The following SYT1 variants were observed in gnomAD, a reference collection of about 807,000 sequenced individuals.
SYT1 encodes synaptotagmin 1.
SYT1 carries 8 observed loss-of-function variants against 44.8 expected under a neutral mutation model. That is an observed-to-expected ratio of 0.18 (90% CI 0.10 to 0.32). The LOEUF is 0.32. Among genes scored for constraint, SYT1 ranks in the 10% least tolerant of loss-of-function variants. The pLI is 1.00. For synonymous variants in SYT1, 154 were observed against 188.8 expected (o/e 0.82, Z 1.51); for missense variants, 286 against 509.3 (o/e 0.56, Z 4.22).
intron 9 of SYT1, among the ~76,000 whole-genome samples, chr12:79,398,301 G>C (rs1884946851): frequency 1.3e-5 from 2 of 152,172 alleles, no homozygotes; most frequent in African/African-American, 4.8e-5. Context: ...GTTCATAGCA[G>C]TAGTTATCTC....
In SYT1 at chr12:78,994,886, G is replaced by A. The variant is rs557054476; in HGVS notation, c.-84+16955G>A. ...CCATCAATATACCCAATGCTGCAGA[G>A]TTTCTGTTTTTTGTTTTTTTTCAGA... On this transcript the variant is annotated intron_variant, in intron 2 of 10. Transcript: ENST00000261205. Among the ~76,000 whole-genome samples, 3 of 152,184 alleles carry A rather than the reference G, an allele frequency of 2.0e-5. No homozygotes were observed. In the East Asian group the frequency reaches 5.8e-4, roughly 29 times the overall value.
At position 78,991,535 on chromosome 12, in the gene SYT1, T is replaced by G. The variant is rs182752944; in HGVS notation, c.-84+13604T>G. Among the ~76,000 whole-genome samples, 4 of 152,222 alleles carry G rather than the reference T, an allele frequency of 2.6e-5. No individual in the cohort carries two copies. The East Asian group carries it at 5.8e-4, about 22-fold the overall frequency. On this transcript the variant is annotated intron_variant, in intron 2 of 10. Coordinates refer to ENST00000261205, the MANE Select transcript of SYT1 (RefSeq NM_005639.3). Reference sequence around the variant, plus strand: ...GGATTTTATACATAAAAGTAAACATTGATTTGTAATTAAGAGAAGAGAAGA... The same window carrying G: ...GGATTTTATACATAAAAGTAAACATGGATTTGTAATTAAGAGAAGAGAAGA...
intron 4 of SYT1, among the ~76,000 whole-genome samples, chr12:79,252,864 G>A (rs1268675396): frequency 2.6e-5 from 4 of 152,188 alleles, no homozygotes; most frequent in African/African-American, 9.7e-5. Context: ...GGAGAAGGAA[G>A]TTCCAGAGCT....
At chr12:79,275,451 T>G (rs1170453577) in intron 4 of SYT1, among the ~76,000 whole-genome samples, 1 of 152,064 alleles carries the variant, frequency 6.6e-6, no homozygotes, top group African/African-American at 2.4e-5. Flanking sequence ...GGTTCAGGCT[T>G]GCAAGAGGGG....
Position 78,910,650 on chromosome 12 carries a change from G to T in SYT1, c.-217+45541G>T, listed in dbSNP as rs1229360070. Among the ~76,000 whole-genome samples, 4 of 151,978 alleles carry T rather than the reference G, an allele frequency of 2.6e-5. No individual in the cohort carries two copies. The East Asian group carries it at 7.7e-4, about 29-fold the overall frequency. On this transcript the variant is annotated intron_variant, in intron 1 of 10. Transcript: ENST00000261205. ...AGCCCTTGCCTTCATGAAAATTGCA[G>T]TCTAGACAAATAGAGTAATTAGATA...
chr12:79,181,240 A>G (rs6539280), intron 3 of SYT1, among the ~76,000 whole-genome samples: 109,972 of 151,980 alleles, frequency 0.72, 40,530 homozygotes, highest in African/African-American at 0.83. Context: ...TGAGATTTGG[A>G]TGAGGACACA....
intron 4 of SYT1, among the ~76,000 whole-genome samples, chr12:79,284,893 C>T (rs1879233716): frequency 6.6e-6 from 1 of 151,876 alleles, no homozygotes; most frequent in South Asian, 2.1e-4. Flanking sequence ...TGCTATGTTC[C>T]AGATGCATTA....
intron 8 of SYT1, among the ~76,000 whole-genome samples, chr12:79,308,438 G>A (rs1041269030): frequency 1.2e-4 from 18 of 150,018 alleles, no homozygotes; most frequent in South Asian, 2.1e-4. Flanking sequence ...GCCAGGAGGC[G>A]GAGCTTGCAT....
At chr12:79,134,099 GTTTT>G (rs943360670) in intron 3 of SYT1, among the ~76,000 whole-genome samples, 9 of 152,206 alleles carry the variant, frequency 5.9e-5, no homozygotes, top group Admixed American at 5.2e-4. Flanking sequence ...CTCATACACT[GTTTT>G]TCTTGTTACT....
At position 79,084,338 on chromosome 12, in the gene SYT1, T is replaced by A. The variant is rs368364624; in HGVS notation, c.-18+36976T>A. Among the ~76,000 whole-genome samples the A allele has an allele frequency of 3.3e-5, 5 of 152,292 alleles. No homozygotes were observed. In the East Asian group the frequency reaches 7.7e-4, roughly 24 times the overall value. On this transcript the variant is annotated intron_variant, in intron 3 of 10. Coordinates refer to ENST00000261205, the MANE Select transcript of SYT1 (RefSeq NM_005639.3). The stretch of plus-strand genomic sequence containing the variant: ...AAACATAATTAGCATAAAGATATTA[T>A]GAGGGTAAATGGTACTTTAATAGTG...
chr12:79,007,996 A>G (rs1871199272), intron 2 of SYT1, among the ~76,000 whole-genome samples: 3 of 152,098 alleles, frequency 2.0e-5, no homozygotes, highest in South Asian at 4.1e-4. Context: ...ACTGCCCTCA[A>G]GGAACTTATA....
chr12:78,949,624 G>C (rs1878857235), intron 1 of SYT1, among the ~76,000 whole-genome samples: 1 of 151,944 alleles, frequency 6.6e-6, no homozygotes, highest in African/African-American at 2.4e-5. Context: ...TATCCAAGAT[G>C]GGTTATTGCA....
chr12:79,131,386 GTT>G (rs1199010610), intron 3 of SYT1, among the ~76,000 whole-genome samples: 2 of 151,814 alleles, frequency 1.3e-5, no homozygotes, highest in Non-Finnish European at 2.9e-5. Context: ...TTCAACAAGG[GTT>G]TTTTTGTTTG....
chr12:79,335,005 A>C (rs979304539), intron 8 of SYT1, among the ~76,000 whole-genome samples: 1 of 152,064 alleles, frequency 6.6e-6, no homozygotes, highest in African/African-American at 2.4e-5. Flanking sequence ...CCCACAATTC[A>C]TTCCCCCACT....
chr12:79,308,205 T>C (rs1207429271), intron 8 of SYT1, among the ~76,000 whole-genome samples: 1 of 152,098 alleles, frequency 6.6e-6, no homozygotes, highest in Non-Finnish European at 1.5e-5. Context: ...CACATCAGAG[T>C]GCACAGTGCC....
At chr12:78,934,621 G>A (rs11610603) in intron 1 of SYT1, among the ~76,000 whole-genome samples, 13,841 of 152,050 alleles carry the variant, frequency 0.091, 724 homozygotes, top group East Asian at 0.18. Flanking sequence ...CACCTGTCAC[G>A]CAGTCAAAAA....
chr12:79,065,450 G>T (rs1405940891), intron 3 of SYT1, among the ~76,000 whole-genome samples: 2 of 152,064 alleles, frequency 1.3e-5, no homozygotes, highest in Non-Finnish European at 2.9e-5. Flanking sequence ...GCATATCAGA[G>T]GATGCTTTCT....
intron 9 of SYT1, among the ~76,000 whole-genome samples, chr12:79,442,394 T>C (rs1264568478): frequency 6.6e-6 from 1 of 152,178 alleles, no homozygotes; most frequent in Non-Finnish European, 1.5e-5. Flanking sequence ...TGACCAACTC[T>C]TTAGTTTGTG....
intron 4 of SYT1, 116 bp downstream of exon 4, chr12:79,217,801 T>TATCATTCCC: frequency 1.3e-6 from 1 of 783,010 alleles, no homozygotes; most frequent in Non-Finnish European, 1.8e-6. Context: ...AATTTATTAC[T>TATCATTCCC]ATGGGAATGA....
Sources: allele counts gnomAD v4.1 joint callset (sites outside exome capture counted in the v4.1 genomes callset), GRCh38; gene constraint gnomAD v4.1.1; transcripts MANE v1.5; gene names NCBI Gene and HGNC (gene_info 2026-07-23, HGNC 2026-07-21).